Variants in HDAC8 observed in about 807,000 individuals in gnomAD.
The protein encoded by HDAC8 is histone deacetylase-like 1.
Under a neutral mutation model 32.2 loss-of-function variants are expected in HDAC8, and 1 was observed. The observed-to-expected ratio is 0.03, with a 90% CI of 0.01 to 0.15. The LOEUF is 0.15. HDAC8 is among the 10% of genes least tolerant of loss of function. The probability of loss-of-function intolerance (pLI) is 1.00; values close to 1 mark genes in which losing one functional copy is unlikely to be tolerated. For missense variants in HDAC8, 117 were observed against 300.0 expected (o/e 0.39, Z 4.51); for synonymous variants, 108 against 113.9 (o/e 0.95, Z 0.33).
chrX:72,383,043 G>A (rs1040532534), intron 9 of HDAC8, among the ~76,000 whole-genome samples: 2 of 111,829 alleles, frequency 1.8e-5, no homozygotes, highest in African/African-American at 6.5e-5. Context: ...CATACAAACT[G>A]GTCCTAGGAA....
At chrX:72,460,434 G>A (rs996014785) in intron 9 of HDAC8, among the ~76,000 whole-genome samples, 13 of 111,388 alleles carry the variant, frequency 1.2e-4, no homozygotes, top group Non-Finnish European at 2.1e-4. Flanking sequence ...CACCATGCCC[G>A]GCCGAGAACT....
At chrX:72,415,143 A>G (rs2046299274) in intron 9 of HDAC8, among the ~76,000 whole-genome samples, 1 of 112,648 alleles carries the variant, frequency 8.9e-6, no homozygotes, top group South Asian at 3.6e-4. Flanking sequence ...AACTAAATTT[A>G]CTAATTTGCT....
chrX:72,472,030 G>A (rs1027849959), intron 7 of HDAC8, among the ~76,000 whole-genome samples: 6 of 108,511 alleles, frequency 5.5e-5, no homozygotes, highest in Middle Eastern at 4.8e-3. Context: ...TATATATGGT[G>A]CGAGGTAAGG....
chrX:72,434,509 A>C (rs1357894490), intron 9 of HDAC8, among the ~76,000 whole-genome samples: 1 of 111,397 alleles, frequency 9.0e-6, no homozygotes, highest in Non-Finnish European at 1.9e-5. Context: ...ACCTTCATTC[A>C]TATATGATAA....
At chrX:72,403,597 C>T (rs113326049) in intron 9 of HDAC8, among the ~76,000 whole-genome samples, 8 of 112,168 alleles carry the variant, frequency 7.1e-5, no homozygotes, top group African/African-American at 2.6e-4. Flanking sequence ...GAGGCTGAGG[C>T]GGGAGGATCA....
chrX:72,420,069 G>T (rs2046445148), intron 9 of HDAC8, among the ~76,000 whole-genome samples: 2 of 111,357 alleles, frequency 1.8e-5, no homozygotes, highest in South Asian at 7.5e-4. Context: ...TAATTTTCTT[G>T]TGATTTTTTT....
intron 7 of HDAC8, among the ~76,000 whole-genome samples, chrX:72,478,904 G>A (rs951471833): frequency 2.7e-5 from 3 of 110,473 alleles, no homozygotes; most frequent in African/African-American, 3.3e-5. Flanking sequence ...TGATCTGCCC[G>A]CCTCAGCCTC....
At chrX:72,564,726 A>G (rs989657585) in intron 4 of HDAC8, among the ~76,000 whole-genome samples, 1 of 111,230 alleles carries the variant, frequency 9.0e-6, no homozygotes, top group Admixed American at 9.5e-5. Context: ...AATTCTATAT[A>G]ATTGGTCTCT....
At chrX:72,565,993 A>G (rs1188824482) in intron 4 of HDAC8, among the ~76,000 whole-genome samples, 3 of 110,162 alleles carry the variant, frequency 2.7e-5, no homozygotes, top group Non-Finnish European at 5.7e-5. Context: ...CAAAAAATAC[A>G]AAAATTATCC....
chrX:72,442,747 G>T (rs1282246119), intron 9 of HDAC8, among the ~76,000 whole-genome samples: 1 of 111,938 alleles, frequency 8.9e-6, no homozygotes, highest in Non-Finnish European at 1.9e-5. Context: ...TGGCAAATTG[G>T]ATAAAGAATC....
intron 9 of HDAC8, among the ~76,000 whole-genome samples, chrX:72,439,150 G>A (rs2047043316): frequency 9.0e-6 from 1 of 111,696 alleles, no homozygotes; most frequent in Admixed American, 9.5e-5. Flanking sequence ...GAGAGTGGGG[G>A]CCAATATTCA....
intron 9 of HDAC8, among the ~76,000 whole-genome samples, chrX:72,453,464 T>TAAATAAAGAAAGAAAGAAAG (rs79152861): frequency 8.9e-5 from 6 of 67,247 alleles, no homozygotes; most frequent in African/African-American, 3.7e-4. Context: ...CTCTTAAAAA[T>TAAATAAAGAAAGAAAGAAAG]AAAGAAAGAA....
At chrX:72,420,380 T>C (rs2046452920) in intron 9 of HDAC8, among the ~76,000 whole-genome samples, 1 of 112,435 alleles carries the variant, frequency 8.9e-6, no homozygotes, top group Non-Finnish European at 1.9e-5. Flanking sequence ...TTTGTAAGCA[T>C]AGAATTGTTA....
intron 4 of HDAC8, among the ~76,000 whole-genome samples, chrX:72,558,992 G>A (rs1209502937): frequency 2.0e-5 from 2 of 100,703 alleles, no homozygotes; most frequent in African/African-American, 7.3e-5. Context: ...TTTCACAATA[G>A]CTGCAGAAAA....
intron 4 of HDAC8, among the ~76,000 whole-genome samples, chrX:72,496,927 T>C (rs1489406155): frequency 8.9e-6 from 1 of 112,123 alleles, no homozygotes; most frequent in Non-Finnish European, 1.9e-5. Context: ...ACCTGAGCCC[T>C]GTGCTTTTGC....
intron 9 of HDAC8, among the ~76,000 whole-genome samples, chrX:72,357,408 G>T (rs1555951120): frequency 9.1e-6 from 1 of 110,204 alleles, no homozygotes; most frequent in African/African-American, 3.3e-5. Context: ...GTTGCTGGGG[G>T]TGGGGGGAGC....
intron 4 of HDAC8, among the ~76,000 whole-genome samples, chrX:72,513,209 C>T (rs1191243071): frequency 1.8e-5 from 2 of 112,298 alleles, no homozygotes; most frequent in Non-Finnish European, 1.9e-5. Flanking sequence ...ATGATTACTT[C>T]TTGTACTTGT....
chrX:72,431,085 C>T (rs1555977254), intron 9 of HDAC8, among the ~76,000 whole-genome samples: 1 of 111,317 alleles, frequency 9.0e-6, no homozygotes, highest in East Asian at 2.8e-4. Flanking sequence ...TGCCTTCTCC[C>T]TGTTTGTCTG....
At chrX:72,448,258 C>T (rs1307305971) in intron 9 of HDAC8, among the ~76,000 whole-genome samples, 1 of 111,418 alleles carries the variant, frequency 9.0e-6, no homozygotes. Flanking sequence ...TGGAACAGAA[C>T]AGAGGCCTCA....
Sources: allele counts gnomAD v4.1 joint callset (sites outside exome capture counted in the v4.1 genomes callset), GRCh38; gene constraint gnomAD v4.1.1; transcripts MANE v1.5; gene names NCBI Gene and HGNC (gene_info 2026-07-23, HGNC 2026-07-21).